Variants in CLVS1 observed in about 807,000 individuals in gnomAD.
CLVS1 encodes the protein clavesin-1.
CLVS1 carries 10 observed loss-of-function variants against 33.1 expected under a neutral mutation model. The ratio of observed to expected loss-of-function variants is 0.30; its 90% CI spans 0.19 to 0.51. The LOEUF is 0.51. CLVS1 is among the 20% of genes least tolerant of loss of function. The pLI is 0.97. For synonymous variants in CLVS1, 163 were observed against 166.1 expected, an observed-to-expected ratio of 0.98 and a Z score of 0.14; for missense variants, 343 against 433.4, an observed-to-expected ratio of 0.79 and a Z score of 1.85.
chr8:61,151,124 T>C (rs908638944), intron 2 of CLVS1, among the ~76,000 whole-genome samples: 3 of 152,312 alleles, frequency 2.0e-5, no homozygotes, highest in Admixed American at 2.0e-4. Flanking sequence ...CTCTCGTATC[T>C]ACTTATAGGC....
At chr8:61,283,306 C>A (rs927586156), upstream of CLVS1, among the ~76,000 whole-genome samples, 5 of 152,168 alleles carry the variant, frequency 3.3e-5, no homozygotes, top group Admixed American at 6.5e-5. Flanking sequence ...GAATTTCCAA[C>A]CTTGAACACT....
intron 2 of CLVS1, among the ~76,000 whole-genome samples, chr8:61,193,434 G>C (rs961587792): frequency 6.6e-6 from 1 of 151,806 alleles, no homozygotes; most frequent in African/African-American, 2.4e-5. Flanking sequence ...CAAGTTAATG[G>C]GTGCAGCACA....
intron 2 of CLVS1, among the ~76,000 whole-genome samples, chr8:61,347,297 G>C (rs1812254735): frequency 6.6e-6 from 1 of 152,112 alleles, no homozygotes; most frequent in Admixed American, 6.6e-5. Context: ...GGAGAGACCA[G>C]TCCTGACGCT....
At chr8:61,427,773 C>T (rs1815948860) in intron 3 of CLVS1, among the ~76,000 whole-genome samples, 1 of 152,198 alleles carries the variant, frequency 6.6e-6, no homozygotes, top group African/African-American at 2.4e-5. Flanking sequence ...ATGTCACATT[C>T]TCAAAGATTT....
At chr8:61,483,931 T>C (rs1401141645) in intron 5 of CLVS1, among the ~76,000 whole-genome samples, 3 of 152,218 alleles carry the variant, frequency 2.0e-5, no homozygotes, top group African/African-American at 7.2e-5. Flanking sequence ...AAATTAGGTA[T>C]TGATGGGAGT....
At chr8:61,070,091 CCT>C (rs1372911027) in intron 1 of CLVS1, among the ~76,000 whole-genome samples, 1 of 152,158 alleles carries the variant, frequency 6.6e-6, no homozygotes. Flanking sequence ...CAGTGCCTGG[CCT>C]CTCCAGGTTT....
intron 3 of CLVS1, among the ~76,000 whole-genome samples, chr8:61,379,685 C>T (rs760770245): frequency 6.6e-6 from 1 of 152,170 alleles, no homozygotes; most frequent in Non-Finnish European, 1.5e-5. Context: ...TATGATGTGA[C>T]TAACATGCCA....
intron 5 of CLVS1, among the ~76,000 whole-genome samples, chr8:61,474,759 C>T (rs1368784571): frequency 6.6e-6 from 1 of 152,152 alleles, no homozygotes; most frequent in Non-Finnish European, 1.5e-5. Flanking sequence ...CTGAGAAGTT[C>T]CCGAGGACTC....
At chr8:61,130,964 G>A (rs1000515292) in intron 1 of CLVS1, among the ~76,000 whole-genome samples, 3 of 152,220 alleles carry the variant, frequency 2.0e-5, no homozygotes, top group African/African-American at 7.2e-5. Flanking sequence ...GGATTTTAGA[G>A]GAGTATTTGG....
At chr8:61,220,242 A>C (rs957701170) in intron 2 of CLVS1, among the ~76,000 whole-genome samples, 1 of 152,102 alleles carries the variant, frequency 6.6e-6, no homozygotes, top group Non-Finnish European at 1.5e-5. Flanking sequence ...CCATGCCTAC[A>C]TCCTAAAAGG....
chr8:61,469,527 T>C (rs1817665764), intron 5 of CLVS1, among the ~76,000 whole-genome samples: 2 of 152,226 alleles, frequency 1.3e-5, no homozygotes, highest in South Asian at 4.1e-4. Context: ...GCCTGGGTAG[T>C]AAAAGTCACC....
chr8:61,018,814 G>A, the CLVS1 span, among the ~76,000 whole-genome samples: 1 of 152,220 alleles, frequency 6.6e-6, no homozygotes, highest in South Asian at 2.1e-4. Context: ...CTCCATTCAT[G>A]TTATTGTCTA....
At chr8:61,221,479 G>T (rs957385594) in intron 2 of CLVS1, among the ~76,000 whole-genome samples, 2 of 152,166 alleles carry the variant, frequency 1.3e-5, no homozygotes, top group African/African-American at 4.8e-5. Flanking sequence ...TTATGTGATG[G>T]ATTACATTTA....
the CLVS1 span, among the ~76,000 whole-genome samples, chr8:60,975,225 T>C: frequency 4.6e-5 from 7 of 152,158 alleles, no homozygotes; most frequent in Non-Finnish European, 1.0e-4. Context: ...GCCTGCATAA[T>C]CCTGCATTAT....
intron 2 of CLVS1, among the ~76,000 whole-genome samples, chr8:61,191,112 T>C (rs1034566161): frequency 1.3e-5 from 2 of 152,168 alleles, no homozygotes; most frequent in Non-Finnish European, 2.9e-5. Context: ...TGAACATCGA[T>C]GCAAAAATCC....
chr8:61,262,765 C>T (rs184137513), intron 2 of CLVS1, among the ~76,000 whole-genome samples: 2 of 152,192 alleles, frequency 1.3e-5, no homozygotes, highest in East Asian at 1.9e-4. Context: ...GGGTGGCAGG[C>T]GTTCAGGATG....
intron 1 of CLVS1, among the ~76,000 whole-genome samples, chr8:61,105,536 G>A (rs1249699531): frequency 6.6e-6 from 1 of 152,196 alleles, no homozygotes; most frequent in Non-Finnish European, 1.5e-5. Context: ...GGCTGTGGGA[G>A]TGGAGAATGG....
chr8:61,042,593 C>T, the CLVS1 span, among the ~76,000 whole-genome samples: 2 of 152,216 alleles, frequency 1.3e-5, no homozygotes, highest in Non-Finnish European at 2.9e-5. Flanking sequence ...AATACTATCA[C>T]ATTGGGGGAT....
intron 2 of CLVS1, among the ~76,000 whole-genome samples, chr8:61,267,453 G>A (rs758140836): frequency 6.6e-6 from 1 of 151,966 alleles, no homozygotes; most frequent in Non-Finnish European, 1.5e-5. Context: ...ATCTATATCC[G>A]TCAACTATTT....
Sources: allele counts gnomAD v4.1 joint callset (sites outside exome capture counted in the v4.1 genomes callset), GRCh38; gene constraint gnomAD v4.1.1; transcripts MANE v1.5; gene names NCBI Gene and HGNC (gene_info 2026-07-23, HGNC 2026-07-21).